Variants in CEP104 observed in about 807,000 individuals in gnomAD.
CEP104 encodes centrosomal protein 104, also known as centrosomal protein of 104 kDa.
Under a neutral mutation model 113.3 loss-of-function variants are expected in CEP104, and 84 were observed. The ratio of observed to expected loss-of-function variants is 0.74; its 90% CI spans 0.62 to 0.89. CEP104 has a LOEUF of 0.89. Among genes scored for constraint, CEP104 ranks in the 40% least tolerant of loss-of-function variants. The probability of loss-of-function intolerance (pLI) is 0.00; values close to 1 mark genes in which losing one functional copy is unlikely to be tolerated. For synonymous variants in CEP104, 378 were observed against 421.7 expected (o/e 0.90, Z 1.27); for missense variants, 1,053 against 1,156.6 (o/e 0.91, Z 1.30).
intron 8 of CEP104, among the ~76,000 whole-genome samples, chr1:3,838,331 T>C (rs912092003): frequency 1.3e-5 from 2 of 151,976 alleles, no homozygotes; most frequent in African/African-American, 4.8e-5. Flanking sequence ...ACTTACTTTT[T>C]GTAGAGACAG....
At chr1:3,837,642 A>T in intron 8 of CEP104, 123 bp from the exon 9 acceptor site, 1 of 805,116 alleles carries the variant, frequency 1.2e-6, no homozygotes, top group Non-Finnish European at 1.9e-6. Context: ...TGGCACAATG[A>T]AAAATTTCAA....
chr1:3,828,067 A>G (rs1008181374), intron 15 of CEP104, among the ~76,000 whole-genome samples: 1 of 152,104 alleles, frequency 6.6e-6, no homozygotes, highest in Non-Finnish European at 1.5e-5. Context: ...AGGAGACCCC[A>G]GGATGGACAG....
intron 10 of CEP104, among the ~76,000 whole-genome samples, chr1:3,836,127 C>T (rs1299769023): frequency 6.6e-6 from 1 of 151,878 alleles, no homozygotes; most frequent in Non-Finnish European, 1.5e-5. Flanking sequence ...TGGTGAAACT[C>T]TATCTCTACT....
chr1:3,818,262 A>G (rs953214823), intron 20 of CEP104, among the ~76,000 whole-genome samples: 8 of 152,184 alleles, frequency 5.3e-5, no homozygotes, highest in Non-Finnish European at 1.0e-4. Flanking sequence ...GAGTGCTCCC[A>G]GTATCATGAC....
chr1:3,838,948 G>A lies in CEP104; in HGVS notation c.891+16C>T, dbSNP rs2124676295. 6.2e-7 allele frequency: 1 copy of A among 1,613,562 alleles called. No individual in the cohort carries two copies. The highest frequency in any genetic ancestry group is 8.5e-7 in the Non-Finnish European group (1 of 1,179,794). On this transcript the variant is annotated intron_variant, in intron 8 of 21. Coordinates refer to ENST00000378230, the MANE Select transcript of CEP104 (RefSeq NM_014704.4). ...TCCTAGGCTTTCCTCCACTCCGTCT[G>A]GGCTCCTGCACCCACCAGCTCGGCA... is the stretch of plus-strand genomic sequence containing the variant.
chr1:3,847,508 T>C lies in CEP104; in HGVS notation c.393A>G (p.Gln131=). 6.2e-7 allele frequency: 1 copy of C among 1,609,752 alleles called. No homozygotes were observed. ...VGQFLKLIFH[Q]NHVNKYNIYN... ...ATATGTTGTATTTGTTGACATGGTT[T>C]TGGTGAAAAATCAGTTTAAGAAATT... The change falls in exon 4 of 22, where the codon CAA becomes CAG. Residue 131 remains glutamine, a synonymous_variant. Transcript: ENST00000378230.
intron 15 of CEP104, 30 bp from the exon 16 acceptor site, chr1:3,826,774 C>A: frequency 1.2e-6 from 2 of 1,606,978 alleles, no homozygotes; most frequent in Non-Finnish European, 1.7e-6. Flanking sequence ...AGGTCAGGGG[C>A]AAAGGGCTGC....
Position 3,847,580 on chromosome 1 carries a change from A to G in CEP104, c.321T>C (p.Gly107=). The part of the protein sequence containing the change: ...YVSLCDNEKT[G]CKARELKSVY... ...CTGATTTTAGTTCCCGGGCTTTGCAACCTGTCTTTTCATTATCACAGAGAG... is the reference window on the plus strand; with the variant it reads ...CTGATTTTAGTTCCCGGGCTTTGCAGCCTGTCTTTTCATTATCACAGAGAG... The change falls in exon 4 of 22, where the codon GGT becomes GGC. Residue 107 remains glycine (G), a synonymous_variant. Coordinates refer to ENST00000378230, the MANE Select transcript of CEP104 (RefSeq NM_014704.4). 3 of 1,614,098 alleles carry G rather than the reference A, an allele frequency of 1.9e-6. No homozygotes were observed. Among genetic ancestry groups the G allele is most frequent in the Non-Finnish European group, 2.5e-6 (3 of 1,179,988 alleles).
chr1:3,833,168 A>T (rs1474903438), intron 12 of CEP104, among the ~76,000 whole-genome samples: 1 of 151,936 alleles, frequency 6.6e-6, no homozygotes, highest in Non-Finnish European at 1.5e-5. Flanking sequence ...TTTAGTACAG[A>T]AGGGGTTTCA....
intron 1 of CEP104, among the ~76,000 whole-genome samples, chr1:3,856,541 GC>G (rs1488333489): frequency 6.6e-6 from 1 of 152,250 alleles, no homozygotes; most frequent in African/African-American, 2.4e-5. Context: ...TCAAACTTTT[GC>G]TCAGCAGAAC....
intron 4 of CEP104, among the ~76,000 whole-genome samples, chr1:3,845,598 G>A (rs1243941947): frequency 2.6e-5 from 4 of 152,106 alleles, no homozygotes; most frequent in Admixed American, 1.3e-4. Flanking sequence ...GCAGAGATAG[G>A]ATTTCACCAT....
chr1:3,855,348 C>CTTTT (rs60855655), intron 1 of CEP104, among the ~76,000 whole-genome samples: 1 of 128,904 alleles, frequency 7.8e-6, no homozygotes. Flanking sequence ...TGCACAGCTA[C>CTTTT]TTTTTTTTTT....
chr1:3,830,976 C>A, intron 13 of CEP104, 70 bp downstream of exon 13: 1 of 1,426,340 alleles, frequency 7.0e-7, no homozygotes, highest in Non-Finnish European at 9.6e-7. Context: ...GCCGATGAGA[C>A]CCTCGCCACG....
At chr1:3,843,288 TC>T in intron 6 of CEP104, 1 of 619,464 alleles carries the variant, frequency 1.6e-6, no homozygotes, top group Non-Finnish European at 2.9e-6. Flanking sequence ...GCCCTTTAGC[TC>T]CCCAAAAGTG....
intron 2 of CEP104, among the ~76,000 whole-genome samples, chr1:3,850,116 G>GTACCATCTGTA (rs1644583073): frequency 3.3e-5 from 5 of 152,314 alleles, no homozygotes; most frequent in Admixed American, 3.3e-4. Flanking sequence ...GGGTTTGAGG[G>GTACCATCTGTA]CACTCTAGGT....
rs7537951 is a variant in CEP104 at position 3,836,293 on chromosome 1, A to G, written c.1317+202T>C. Among the ~76,000 whole-genome samples, 44,880 of 136,948 alleles carry G rather than the reference A, an allele frequency of 0.33. 8,048 individuals are homozygous for G. Among genetic ancestry groups the G allele is most frequent in the African/African-American group, 0.52 (19,695 of 38,118 alleles). 89.8% of individuals were successfully genotyped at this position (136,948 alleles called of 152,430 possible). ...TGCACTCCAGCCTGGGTGAAGAGCA[A>G]GACTCCGTCTCAAAAAAAAAAAAAA... is the stretch of plus-strand genomic sequence containing the variant. On this transcript the variant is annotated intron_variant, in intron 10 of 21. Transcript: ENST00000378230.
intron 4 of CEP104, among the ~76,000 whole-genome samples, chr1:3,846,725 C>CT (rs772606745): frequency 6.6e-6 from 1 of 152,162 alleles, no homozygotes; most frequent in Non-Finnish European, 1.5e-5. Context: ...CCTTTGCGCT[C>CT]TTGTCCAGCT....
chr1:3,853,800 CA>C (rs61309375), intron 1 of CEP104, among the ~76,000 whole-genome samples: 55,780 of 151,872 alleles, frequency 0.37, 12,427 homozygotes, highest in African/African-American at 0.64. Context: ...AAAAGCCCCC[CA>C]GAACAGGATG....
chr1:3,852,370 G>A lies in CEP104; in HGVS notation c.38C>T (p.Ser13Phe). 1.2e-6 allele frequency: 2 copies of A among 1,614,176 alleles called. No individual in the cohort carries two copies. Among genetic ancestry groups the A allele is most frequent in the Non-Finnish European group, 1.7e-6 (2 of 1,180,038 alleles). Residue 13 changes from serine (S) to phenylalanine (F), a missense_variant, in exon 2 of 22, where the codon TCT becomes TTT. Ser to Phe is a radical substitution (Grantham distance 155). Transcript: ENST00000378230. ...GGCACTGAAGCCGTCTTCGTGTCCA[G>A]ATGAGCTGACGACTACAAATCCAAT... ...HKIGFVVVSS[S>F]GHEDGFSARE...
Sources: gnomAD v4.1 joint callset for allele counts (sites outside exome capture counted in the v4.1 genomes callset) on GRCh38, gnomAD v4.1.1 for gene constraint, MANE v1.5 for transcripts, NCBI Gene and HGNC (gene_info 2026-07-23, HGNC 2026-07-21) for gene names.